SORCS3: variants seen among roughly 807,000 people sequenced by gnomAD.
The protein encoded by SORCS3 is sortilin related VPS10 domain containing receptor 3.
A neutral mutation model predicts 146.3 loss-of-function variants in SORCS3; 57 were observed. The ratio of observed to expected loss-of-function variants is 0.39; its 90% CI spans 0.31 to 0.49. The LOEUF (loss-of-function observed/expected upper bound fraction) is 0.49. SORCS3 is among the 20% of genes least tolerant of loss of function. The pLI, the probability that SORCS3 is intolerant of heterozygous loss-of-function variation, is 0.92. For synonymous variants in SORCS3, 653 were observed against 618.5 expected, an observed-to-expected ratio of 1.06 and a Z score of -0.83; for missense variants, 1,341 against 1,575.5, an observed-to-expected ratio of 0.85 and a Z score of 2.52.
chr10:104,971,408 G>A (rs989920114), intron 3 of SORCS3, among the ~76,000 whole-genome samples: 1 of 152,234 alleles, frequency 6.6e-6, no homozygotes, highest in African/African-American at 2.4e-5. Flanking sequence ...CTGTCCTCAC[G>A]GACTTATTCT....
intron 2 of SORCS3, among the ~76,000 whole-genome samples, chr10:104,875,817 T>C (rs1052370483): frequency 6.6e-6 from 1 of 152,214 alleles, no homozygotes; most frequent in African/African-American, 2.4e-5. Context: ...GCTAGGCTGA[T>C]GGCTAGTGCA....
At chr10:105,159,684 C>T (rs962799944) in intron 11 of SORCS3, among the ~76,000 whole-genome samples, 4 of 152,178 alleles carry the variant, frequency 2.6e-5, no homozygotes, top group Non-Finnish European at 4.4e-5. Flanking sequence ...GTTAGAGCTC[C>T]GGTGTTGGTC....
chr10:104,875,719 A>G (rs1295530973), intron 2 of SORCS3, among the ~76,000 whole-genome samples: 1 of 152,154 alleles, frequency 6.6e-6, no homozygotes, highest in Non-Finnish European at 1.5e-5. Context: ...CATGTCTACA[A>G]AAAAATAGAT....
chr10:105,099,454 A>G (rs1360125788), intron 6 of SORCS3, among the ~76,000 whole-genome samples: 1 of 152,210 alleles, frequency 6.6e-6, no homozygotes, highest in African/African-American at 2.4e-5. Context: ...TAATTCTCAA[A>G]GGCAAAACAT....
intron 8 of SORCS3, among the ~76,000 whole-genome samples, chr10:105,145,377 A>T (rs1434948564): frequency 6.6e-6 from 1 of 151,994 alleles, no homozygotes. Context: ...GCACTTGTTC[A>T]CCAGGTGACA....
In SORCS3 at chr10:104,919,840, C is replaced by T. The variant is rs116767399; in HGVS notation, c.795+3908C>T. Among the ~76,000 whole-genome samples, 932 of 152,278 alleles carry T rather than the reference C, an allele frequency of 6.1e-3. 7 individuals are homozygous for T. Among genetic ancestry groups the T allele is most frequent in the African/African-American group, 0.021 (856 of 41,562 alleles). On this transcript the variant is annotated intron_variant, in intron 3 of 26. Coordinates refer to ENST00000369701, the MANE Select transcript of SORCS3 (RefSeq NM_014978.3). Reference sequence around the variant, plus strand: ...AGCCTCTTGATGTTGACAGTGCACACGTAGTCTACATTCTAACTTTCTCGT... The same window carrying T: ...AGCCTCTTGATGTTGACAGTGCACATGTAGTCTACATTCTAACTTTCTCGT...
At chr10:105,154,259 C>T (rs2056189822) in intron 9 of SORCS3, among the ~76,000 whole-genome samples, 1 of 152,036 alleles carries the variant, frequency 6.6e-6, no homozygotes, top group Admixed American at 6.5e-5. Flanking sequence ...GGTCTTTTTT[C>T]CCTGAACCAA....
At chr10:104,895,101 T>C (rs980918933) in intron 2 of SORCS3, among the ~76,000 whole-genome samples, 1 of 151,976 alleles carries the variant, frequency 6.6e-6, no homozygotes, top group African/African-American at 2.4e-5. Context: ...GATGGTGGAG[T>C]ACCATGACAG....
chr10:105,110,820 A>G (rs1303155836), intron 7 of SORCS3, among the ~76,000 whole-genome samples: 1 of 152,222 alleles, frequency 6.6e-6, no homozygotes, highest in Non-Finnish European at 1.5e-5. Flanking sequence ...ATTTAAAACC[A>G]TTTATAAATC....
chr10:104,853,572 C>A (rs7894737), intron 2 of SORCS3, among the ~76,000 whole-genome samples: 89,868 of 152,022 alleles, frequency 0.59, 26,963 homozygotes, highest in East Asian at 0.85. Flanking sequence ...TATGAGATGA[C>A]AGCTGCCTCC....
Position 105,217,036 on chromosome 10 carries a change from A to C in SORCS3, c.2648A>C (p.Tyr883Ser). 6.2e-7 allele frequency: 1 copy of C among 1,614,170 alleles called. No individual in the cohort carries two copies. Among genetic ancestry groups the C allele is most frequent in the Non-Finnish European group, 8.5e-7 (1 of 1,180,028 alleles). The change falls in exon 19 of 27, where the codon TAT becomes TCT. Residue 883 changes from tyrosine to serine, a missense_variant. Transcript: ENST00000369701. ...SPIEDGIKHV[Y>S]KSAGIFQVTA... ...ATCGAGGACGGCATCAAGCACGTGT[A>C]TAAGAGTGCGGGGATCTTCCAGGTG...
In SORCS3 at chr10:104,779,902, A is replaced by G. The variant is rs140818539; in HGVS notation, c.628-62890A>G. Among the ~76,000 whole-genome samples the G allele has an allele frequency of 5.9e-3, 897 of 152,312 alleles. 18 individuals are homozygous for G. Among genetic ancestry groups the G allele is most frequent in the Admixed American group, 0.031 (469 of 15,292 alleles). ...GGGCGGTGTATGTCAGTGCTGAGTA[A>G]CGTGGTTATTAGAAGTATGAATTAT... On this transcript the variant is annotated intron_variant, in intron 1 of 26. Transcript: ENST00000369701.
At chr10:104,865,698 C>T (rs1189184790) in intron 2 of SORCS3, among the ~76,000 whole-genome samples, 1 of 152,126 alleles carries the variant, frequency 6.6e-6, no homozygotes, top group African/African-American at 2.4e-5. Context: ...CGGGAGAAAC[C>T]CGTGAGTCTG....
intron 3 of SORCS3, among the ~76,000 whole-genome samples, chr10:104,937,330 TG>T (rs2019270420): frequency 6.6e-6 from 1 of 152,222 alleles, no homozygotes; most frequent in Non-Finnish European, 1.5e-5. Flanking sequence ...CGTGGATCAA[TG>T]GTTTTTATGC....
intron 6 of SORCS3, among the ~76,000 whole-genome samples, chr10:105,101,629 A>G (rs995040934): frequency 6.6e-6 from 1 of 152,158 alleles, no homozygotes; most frequent in Admixed American, 6.6e-5. Flanking sequence ...TATACCTGCT[A>G]TGGGCCAAGG....
At chr10:104,877,648 C>A (rs2018589402) in intron 2 of SORCS3, among the ~76,000 whole-genome samples, 2 of 152,036 alleles carry the variant, frequency 1.3e-5, no homozygotes, top group Admixed American at 1.3e-4. Flanking sequence ...CAAATCATTT[C>A]AATGCAAGGC....
At chr10:105,213,986 G>A (rs1294895449) in intron 17 of SORCS3, among the ~76,000 whole-genome samples, 6 of 152,166 alleles carry the variant, frequency 3.9e-5, no homozygotes. Context: ...ATTAATCAGA[G>A]TTAGAAAAAG....
chr10:105,262,589 G>C (rs878872135), intron 26 of SORCS3, 98 bp downstream of exon 26: 1 of 1,228,904 alleles, frequency 8.1e-7, no homozygotes, highest in South Asian at 1.8e-5. Context: ...GGAGGGTGGG[G>C]ACAAACAACT....
chr10:105,028,515 C>G (rs1465383281), intron 4 of SORCS3, among the ~76,000 whole-genome samples: 1 of 152,164 alleles, frequency 6.6e-6, no homozygotes, highest in Non-Finnish European at 1.5e-5. Context: ...GGCTCAGGCA[C>G]TCCATATATC....
Sources: gnomAD v4.1 joint callset for allele counts (sites outside exome capture counted in the v4.1 genomes callset) on GRCh38, gnomAD v4.1.1 for gene constraint, MANE v1.5 for transcripts, NCBI Gene and HGNC (gene_info 2026-07-23, HGNC 2026-07-21) for gene names.